The following ZDHHC6 variants were observed in gnomAD, a reference collection of about 807,000 sequenced individuals.
ZDHHC6 encodes zDHHC palmitoyltransferase 6.
ZDHHC6 carries 32 observed loss-of-function variants against 57.8 expected under a neutral mutation model. The observed-to-expected ratio is 0.55, with a 90% confidence interval of 0.42 to 0.74. ZDHHC6 has a LOEUF of 0.74. ZDHHC6 is among the 30% of genes least tolerant of loss of function. The probability of loss-of-function intolerance (pLI) is 0.00; values close to 1 mark genes in which losing one functional copy is unlikely to be tolerated. For missense variants in ZDHHC6, 433 were observed against 500.7 expected (o/e 0.86, Z 1.29); for synonymous variants, 128 against 158.0 (o/e 0.81, Z 1.42).
intron 5 of ZDHHC6, 152 bp downstream of exon 5, chr10:112,440,382 T>C (rs1345036383): frequency 1.2e-6 from 1 of 830,268 alleles, no homozygotes; most frequent in African/African-American, 1.7e-5. Flanking sequence ...CAAAATTATC[T>C]GACGAATACA....
chr10:112,428,380 A>G (rs181461828), downstream of ZDHHC6: 1 of 398,596 alleles, frequency 2.5e-6, no homozygotes, highest in African/African-American at 2.1e-5. Flanking sequence ...ACAGATACTT[A>G]CGTTGTGGTG....
In ZDHHC6 at chr10:112,443,527, C is replaced by T; in HGVS notation, c.347G>A (p.Arg116Lys). The T allele has an allele frequency of 6.2e-7, 1 of 1,613,822 alleles. No individual in the cohort carries two copies. The highest frequency in any genetic ancestry group is 1.7e-5 in the Admixed American group (1 of 59,992). The change falls in exon 3 of 11, where the codon AGA (arginine) becomes AAA (lysine). Residue 116 changes from arginine (R) to lysine (K), a missense_variant. Arg to Lys is a conservative substitution (Grantham distance 26). Transcript: ENST00000369405. ...AYKAPRSHHC[R>K]KCNRCVMKMD... ...GAAAGACAGGTACCTGTTACACTTT[C>T]TGCAGTGATGTGAACGTGGTGCCTT...
chr10:112,445,452 T>C lies in ZDHHC6; in HGVS notation c.-16A>G, dbSNP rs144232196. On this transcript the variant is annotated 5_prime_UTR_variant, in exon 2 of 11. Transcript: ENST00000369405. ...ATGTACCCATTTTGGCAAGGAAGAA[T>C]GCCTTCCTACTTTAAAAGAATTATA... 5.5e-5 allele frequency: 89 copies of C among 1,609,258 alleles called. No homozygotes were observed. The Admixed American group carries it at 1.5e-3, about 26-fold the overall frequency.
chr10:112,432,529 C>G lies in ZDHHC6; in HGVS notation c.946-8G>C, dbSNP rs760310152. 5 of 1,609,796 alleles carry G rather than the reference C, an allele frequency of 3.1e-6. No homozygotes were observed. The highest frequency in any genetic ancestry group is 4.2e-6 in the Non-Finnish European group (5 of 1,178,864). ...TATTACTTTATAGCGAACCTGTCGT[C>G]AGTGATCAGAAGAAACCTTTAAATA... is the stretch of plus-strand genomic sequence containing the variant. On this transcript the variant is annotated splice_region_variant and splice_polypyrimidine_tract_variant and intron_variant, in intron 8 of 10. Transcript: ENST00000369405.
downstream of ZDHHC6, among the ~76,000 whole-genome samples, chr10:112,429,114 G>A (rs920143923): frequency 6.6e-6 from 1 of 152,138 alleles, no homozygotes; most frequent in Non-Finnish European, 1.5e-5. Flanking sequence ...GAATGTTCTT[G>A]GATGGTCTTT....
intron 3 of ZDHHC6, 93 bp from the exon 4 acceptor site, chr10:112,442,444 A>G: frequency 7.9e-7 from 1 of 1,261,192 alleles, no homozygotes; most frequent in East Asian, 2.5e-5. Flanking sequence ...ATAGGAATCC[A>G]GCATGTCCAT....
chr10:112,434,594 G>A, intron 6 of ZDHHC6, 130 bp from the exon 7 acceptor site: 3 of 931,686 alleles, frequency 3.2e-6, no homozygotes, highest in Non-Finnish European at 4.6e-6. Context: ...TGTAATATTA[G>A]TGTACATGGA....
downstream of ZDHHC6, chr10:112,428,346 GTA>G: frequency 2.5e-6 from 1 of 398,066 alleles, no homozygotes; most frequent in South Asian, 1.3e-4. Flanking sequence ...ACTTGTAAAT[GTA>G]AAGTCTTTAA....
rs1439004475 is a variant in ZDHHC6 at position 112,442,404 on chromosome 10, A to G, written c.360-53T>C. The G allele has an allele frequency of 1.9e-6, 3 of 1,555,034 alleles. No individual in the cohort carries two copies. In the African/African-American group the frequency reaches 4.1e-5, roughly 21 times the overall value. On this transcript the variant is annotated intron_variant, in intron 3 of 10. Transcript: ENST00000369405. ...GAGGCAGAAAATCCTGTCTACTTTA[A>G]ATAACTTTGGTCTTCAAAAGATCAA...
At chr10:112,442,472 T>C (rs762988941) in intron 3 of ZDHHC6, 121 bp from the exon 4 acceptor site, 2 of 920,964 alleles carry the variant, frequency 2.2e-6, no homozygotes, top group Non-Finnish European at 3.1e-6. Flanking sequence ...GAGAGAATTA[T>C]ACTTCATGGA....
In ZDHHC6 at chr10:112,432,279, A is replaced by T; in HGVS notation, c.1099T>A (p.Leu367Ile). The T allele has an allele frequency of 2.5e-6, 4 of 1,608,674 alleles. No individual in the cohort carries two copies. Among genetic ancestry groups the T allele is most frequent in the Non-Finnish European group, 3.4e-6 (4 of 1,178,616 alleles). Reference sequence around the variant, plus strand: ...TCATCAAGAATTTTGTCTCCATATAACCAGTATCTGAAATATTTAAAAGAT... The same window carrying T: ...TCATCAAGAATTTTGTCTCCATATATCCAGTATCTGAAATATTTAAAAGAT... ...ILATRGLRYW[L>I]YGDKILDDSF... The change falls in exon 10 of 11, where the codon TTA (leucine) becomes ATA (isoleucine). Residue 367 changes from leucine to isoleucine, a missense_variant. By Grantham distance (5) the Leu-to-Ile change is conservative. Coordinates refer to ENST00000369405, the MANE Select transcript of ZDHHC6 (RefSeq NM_022494.3).
At chr10:112,441,229 T>C (rs1846090670) in intron 4 of ZDHHC6, among the ~76,000 whole-genome samples, 1 of 152,226 alleles carries the variant, frequency 6.6e-6, no homozygotes, top group Non-Finnish European at 1.5e-5. Context: ...CTTTTTGTTG[T>C]TGTTGTTTCC....
At chr10:112,440,469 C>G (rs1032196603) in intron 5 of ZDHHC6, 65 bp downstream of exon 5, 27 of 1,502,284 alleles carry the variant, frequency 1.8e-5, no homozygotes, top group Non-Finnish European at 2.2e-5. Flanking sequence ...CAGGCTTTGT[C>G]TCTTTCTTGT....
downstream of ZDHHC6, chr10:112,426,919 C>T: frequency 7.4e-7 from 1 of 1,358,454 alleles, no homozygotes; most frequent in Non-Finnish European, 1.1e-6. Flanking sequence ...TTAAAGTTTC[C>T]ATCTAATGAG....
chr10:112,443,508 C>G lies in ZDHHC6; in HGVS notation c.359+7G>C. The G allele has an allele frequency of 1.9e-6, 3 of 1,613,264 alleles. No homozygotes were observed. Among genetic ancestry groups the G allele is most frequent in the Non-Finnish European group, 1.7e-6 (2 of 1,179,440 alleles). The stretch of plus-strand genomic sequence containing the variant: ...AGTCCTCGCTGAACAGCAAGAAAGA[C>G]AGGTACCTGTTACACTTTCTGCAGT... On this transcript the variant is annotated splice_region_variant and intron_variant, in intron 3 of 10. Transcript: ENST00000369405.
At position 112,440,592 on chromosome 10, in the gene ZDHHC6, A is replaced by C. The variant is rs1846008595; in HGVS notation, c.623T>G (p.Phe208Cys). The C allele has an allele frequency of 6.2e-7, 1 of 1,614,108 alleles. No individual in the cohort carries two copies. The part of the protein sequence containing the change: ...FGLAAFATTL[F>C]ALGLALGTTI... The stretch of plus-strand genomic sequence containing the variant: ...TGTTCCTAAAGCTAATCCCAAGGCA[A>C]ACAAGGTGGTAGCAAATGCAGCTAA... The change falls in exon 5 of 11, where the codon TTT becomes TGT. Residue 208 changes from phenylalanine to cysteine, a missense_variant. By Grantham distance (205) the Phe-to-Cys change is radical (BLOSUM62 -2). Coordinates refer to ENST00000369405, the MANE Select transcript of ZDHHC6 (RefSeq NM_022494.3).
chr10:112,430,721 G>A lies in ZDHHC6; in HGVS notation c.*83C>T. Reference sequence around the variant, plus strand: ...GGAAAAGAACATCTTAACCAGAGTAGGCTCATTGCATAATTCTTTAGTAAT... The same window carrying A: ...GGAAAAGAACATCTTAACCAGAGTAAGCTCATTGCATAATTCTTTAGTAAT... On this transcript the variant is annotated 3_prime_UTR_variant, in exon 11 of 11. Coordinates refer to ENST00000369405, the MANE Select transcript of ZDHHC6 (RefSeq NM_022494.3). 8.3e-7 allele frequency: 1 copy of A among 1,204,432 alleles called. No individual in the cohort carries two copies. Among genetic ancestry groups the A allele is most frequent in the Non-Finnish European group, 1.2e-6 (1 of 845,454 alleles). The allele number at this position is 1,204,432 out of a possible 1,614,324, so 74.6% of individuals were successfully genotyped here.
At chr10:112,434,498 CTCTG>C (rs1478571699) in intron 6 of ZDHHC6, 34 bp from the exon 7 acceptor site, 4 of 1,592,972 alleles carry the variant, frequency 2.5e-6, no homozygotes, top group Non-Finnish European at 2.6e-6. Context: ...TGGCAGGTGC[CTCTG>C]TCTAAGTGGC....
At chr10:112,430,183 C>G (rs1329458092), downstream of ZDHHC6, 1 of 152,310 alleles carries the variant, frequency 6.6e-6, no homozygotes, top group Non-Finnish European at 1.5e-5. Flanking sequence ...TGTGTCATGT[C>G]TTAAGCCACG....
Sources: allele counts gnomAD v4.1 joint callset (sites outside exome capture counted in the v4.1 genomes callset), GRCh38; gene constraint gnomAD v4.1.1; transcripts MANE v1.5; gene names NCBI Gene and HGNC (gene_info 2026-07-23, HGNC 2026-07-21).